Variants in RGS6 observed in about 807,000 individuals in gnomAD.
RGS6 encodes the protein regulator of G-protein signaling 6.
In RGS6, 30 loss-of-function variants were observed where a neutral mutation model predicts 78.5. The observed-to-expected ratio is 0.38, with a 90% CI of 0.29 to 0.52. The LOEUF (loss-of-function observed/expected upper bound fraction) is 0.52. Ranked by LOEUF, RGS6 falls within the 20% of genes least tolerant of loss-of-function variation. The probability of loss-of-function intolerance (pLI) is 0.85; values close to 1 mark genes in which losing one functional copy is unlikely to be tolerated. For synonymous variants in RGS6, 206 were observed against 206.0 expected (o/e 1.00, Z 0.00); for missense variants, 495 against 609.7 (o/e 0.81, Z 1.98).
upstream of RGS6, among the ~76,000 whole-genome samples, chr14:71,929,420 A>G (rs769292786): frequency 1.4e-4 from 22 of 152,226 alleles, no homozygotes; most frequent in Admixed American, 3.3e-4. Flanking sequence ...TTTATGCATA[A>G]GAAGTGACAC....
chr14:72,243,054 G>C (rs1404437489), intron 2 of RGS6, among the ~76,000 whole-genome samples: 2 of 151,832 alleles, frequency 1.3e-5, no homozygotes, highest in African/African-American at 4.8e-5. Flanking sequence ...GTTTCACCAC[G>C]TGGGTCAGGC....
chr14:72,405,681 C>T (rs775134544), intron 3 of RGS6, among the ~76,000 whole-genome samples: 5 of 152,188 alleles, frequency 3.3e-5, no homozygotes, highest in Non-Finnish European at 7.3e-5. Flanking sequence ...TGTGTCATCA[C>T]ACATAAGTTC....
intron 2 of RGS6, among the ~76,000 whole-genome samples, chr14:72,333,796 C>A (rs1046935649): frequency 7.9e-5 from 12 of 152,164 alleles, no homozygotes; most frequent in Non-Finnish European, 1.5e-4. Context: ...CCATCCCCTC[C>A]CTGCCAGAGG....
chr14:72,600,089 C>G, the RGS6 span, among the ~76,000 whole-genome samples: 1 of 152,062 alleles, frequency 6.6e-6, no homozygotes, highest in East Asian at 1.9e-4. Context: ...GTCCTTCCCC[C>G]CTCCCTTCTT....
rs546852573 is a variant in RGS6, at chr14:72,318,181, G to A, written c.85-33914G>A. Among the ~76,000 whole-genome samples, 5 of 152,200 alleles carry A rather than the reference G, an allele frequency of 3.3e-5. No individual in the cohort carries two copies. In the South Asian group the frequency reaches 6.2e-4, roughly 19 times the overall value. ...GTGGGGAGGGAAAGATCCCACCTCA[G>A]CCCAAGAACTTGGAGCTGAAGAACT... On this transcript the variant is annotated intron_variant, in intron 2 of 17. Transcript: ENST00000553525.
At chr14:72,380,066 A>AAAACG (rs1056019982) in intron 3 of RGS6, among the ~76,000 whole-genome samples, 3 of 150,354 alleles carry the variant, frequency 2.0e-5, no homozygotes, top group African/African-American at 7.5e-5. Flanking sequence ...TCACTGAGGC[A>AAAACG]AAACAAAACA....
the RGS6 span, among the ~76,000 whole-genome samples, chr14:71,902,467 G>A: frequency 6.6e-6 from 1 of 152,132 alleles, no homozygotes; most frequent in East Asian, 1.9e-4. Flanking sequence ...AGTGTCTCTT[G>A]GGACATTTTA....
intron 1 of RGS6, among the ~76,000 whole-genome samples, chr14:71,939,145 G>T (rs1594921799): frequency 2.0e-5 from 3 of 152,156 alleles, no homozygotes; most frequent in African/African-American, 7.2e-5. Context: ...CCCAAATGAG[G>T]AATGTGTTGC....
At chr14:72,051,849 A>G (rs2093266175) in intron 2 of RGS6, among the ~76,000 whole-genome samples, 1 of 152,234 alleles carries the variant, frequency 6.6e-6, no homozygotes. Flanking sequence ...AGTAAAACAG[A>G]GCGACCTGAC....
chr14:71,950,687 C>G (rs557684351), intron 1 of RGS6, among the ~76,000 whole-genome samples: 2 of 152,118 alleles, frequency 1.3e-5, no homozygotes, highest in Admixed American at 1.3e-4. Flanking sequence ...GATCTAATAT[C>G]CAGAGTCTAC....
At chr14:72,388,952 A>T (rs2089160166) in intron 3 of RGS6, among the ~76,000 whole-genome samples, 1 of 150,386 alleles carries the variant, frequency 6.6e-6, no homozygotes, top group South Asian at 2.1e-4. Flanking sequence ...GATTCCCATT[A>T]TTAGTAGTAG....
At chr14:72,149,201 G>A (rs1037269036) in intron 2 of RGS6, among the ~76,000 whole-genome samples, 3 of 152,182 alleles carry the variant, frequency 2.0e-5, no homozygotes, top group African/African-American at 7.2e-5. Flanking sequence ...TGGGTTTCAA[G>A]GTGAGTGTCA....
chr14:72,163,389 C>T (rs1394571670), intron 2 of RGS6, among the ~76,000 whole-genome samples: 1 of 152,176 alleles, frequency 6.6e-6, no homozygotes, highest in African/African-American at 2.4e-5. Flanking sequence ...CAACAAGTCA[C>T]AGTCAACCAG....
At chr14:72,393,201 G>A (rs976221810) in intron 3 of RGS6, among the ~76,000 whole-genome samples, 5 of 152,158 alleles carry the variant, frequency 3.3e-5, no homozygotes, top group Admixed American at 6.5e-5. Context: ...ATTTTTGTCC[G>A]CACTTTTCTC....
chr14:72,251,540 C>T (rs1401105593), intron 2 of RGS6, among the ~76,000 whole-genome samples: 1 of 152,134 alleles, frequency 6.6e-6, no homozygotes, highest in Non-Finnish European at 1.5e-5. Flanking sequence ...AAGCACTTTA[C>T]TTTGGAATAT....
the RGS6 span, among the ~76,000 whole-genome samples, chr14:71,872,631 T>G: frequency 2.0e-5 from 3 of 152,200 alleles, no homozygotes; most frequent in Non-Finnish European, 2.9e-5. Flanking sequence ...AAGTTTTTTT[T>G]GTGAATAATT....
the RGS6 span, chr14:72,629,595 C>T: frequency 1.1e-5 from 16 of 1,520,394 alleles, no homozygotes; most frequent in South Asian, 1.7e-4. Context: ...GTGGATTTCT[C>T]CCTCCCACAG....
intron 14 of RGS6, among the ~76,000 whole-genome samples, chr14:72,513,609 T>C (rs1220162183): frequency 2.0e-5 from 3 of 152,222 alleles, no homozygotes; most frequent in African/African-American, 7.2e-5. Context: ...ACAGCTCTGA[T>C]GCAGGGAGCT....
intron 2 of RGS6, among the ~76,000 whole-genome samples, chr14:72,262,908 G>C (rs2058417691): frequency 6.6e-6 from 1 of 152,068 alleles, no homozygotes; most frequent in Non-Finnish European, 1.5e-5. Context: ...CTCCTCAGGA[G>C]GGTCCTTTTC....
Sources: gnomAD v4.1 joint callset for allele counts (sites outside exome capture counted in the v4.1 genomes callset) on GRCh38, gnomAD v4.1.1 for gene constraint, MANE v1.5 for transcripts, NCBI Gene and HGNC (gene_info 2026-07-23, HGNC 2026-07-21) for gene names.